LAMA3: variants seen among roughly 807,000 people sequenced by gnomAD.
LAMA3 encodes the protein laminin subunit alpha-3.
Under a neutral mutation model 402.0 loss-of-function variants are expected in LAMA3, and 281 were observed. That is an observed-to-expected ratio of 0.70 (90% CI 0.63 to 0.77). LAMA3 has a LOEUF of 0.77. Among genes scored for constraint, LAMA3 ranks in the 30% least tolerant of loss-of-function variants. The probability of loss-of-function intolerance (pLI) is 0.00; values close to 1 mark genes in which losing one functional copy is unlikely to be tolerated. For synonymous variants in LAMA3, 1,431 were observed against 1,558.4 expected (o/e 0.92, Z 1.93); for missense variants, 3,840 against 4,215.5 (o/e 0.91, Z 2.47).
At chr18:23,768,952 A>G (rs2062136949) in intron 8 of LAMA3, among the ~76,000 whole-genome samples, 1 of 152,208 alleles carries the variant, frequency 6.6e-6, no homozygotes, top group African/African-American at 2.4e-5. Flanking sequence ...ACTCATGGAC[A>G]TAAAGGTGGA....
At chr18:23,880,551 C>T (rs78591580) in intron 39 of LAMA3, among the ~76,000 whole-genome samples, 4,083 of 152,254 alleles carry the variant, frequency 0.027, 182 homozygotes, top group African/African-American at 0.093. Flanking sequence ...ACGTATATTG[C>T]TTTTCCCAAT....
In LAMA3 at chr18:23,758,443, G is replaced by A. The variant is rs771603867; in HGVS notation, c.995G>A (p.Arg332His). ...CACACCTGTGGGGAGACGTGTGATCGCTGCTGCACAGGGTACAATCAGAGG... is the reference window on the plus strand; with the variant it reads ...CACACCTGTGGGGAGACGTGTGATCACTGCTGCACAGGGTACAATCAGAGG... ...QHHTCGETCD[R>H]CCTGYNQRRW... Residue 332 changes from arginine to histidine, a missense_variant, in exon 7 of 75, where the codon CGC becomes CAC. Physicochemically the swap from Arg to His is conservative, Grantham distance 29. Transcript: ENST00000313654. The A allele has an allele frequency of 2.0e-5, 32 of 1,614,198 alleles. No homozygotes were observed. In the South Asian group the frequency reaches 3.0e-4, roughly 15 times the overall value.
intron 1 of LAMA3, among the ~76,000 whole-genome samples, chr18:23,707,074 G>A (rs779429875): frequency 8.5e-5 from 13 of 152,110 alleles, no homozygotes; most frequent in East Asian, 3.8e-4. Flanking sequence ...GTGAAACTCC[G>A]TCTCAAAAAA....
chr18:23,805,473 A>G (rs535659244), intron 12 of LAMA3, among the ~76,000 whole-genome samples: 24 of 152,272 alleles, frequency 1.6e-4, no homozygotes, highest in East Asian at 1.3e-3. Flanking sequence ...CTTTTCCATC[A>G]TAATAACTTC....
chr18:23,912,955 C>T (rs1205780983), intron 56 of LAMA3, 74 bp downstream of exon 56: 5 of 1,350,038 alleles, frequency 3.7e-6, no homozygotes, highest in African/African-American at 1.4e-5. Context: ...AGATGTGTGG[C>T]ACGGCTGCAT....
At chr18:23,815,749 A>G (rs1252326503) in intron 17 of LAMA3, among the ~76,000 whole-genome samples, 176 bp downstream of exon 17, 1 of 152,190 alleles carries the variant, frequency 6.6e-6, no homozygotes, top group Non-Finnish European at 1.5e-5. Context: ...GTAAATTGCA[A>G]GTGGGGCTGT....
Position 23,748,399 on chromosome 18 carries a change from C to G in LAMA3, c.565+339C>G, listed in dbSNP as rs190555737. On this transcript the variant is annotated intron_variant, in intron 3 of 74. Coordinates refer to ENST00000313654, the MANE Select transcript of LAMA3 (RefSeq NM_198129.4). Reference sequence around the variant, plus strand: ...TTGTACCACTGCACTCCAGCCTGGGCAACAGGATGAGACTCTGTCTCAAAA... The same window carrying G: ...TTGTACCACTGCACTCCAGCCTGGGGAACAGGATGAGACTCTGTCTCAAAA... 3.7e-3 allele frequency among the ~76,000 whole-genome samples: 500 copies of G among 133,838 alleles called. 3 individuals carry two copies. Among genetic ancestry groups the G allele is most frequent in the African/African-American group, 0.013 (472 of 35,472 alleles). The allele number at this position is 133,838 out of a possible 152,430, so 87.8% of individuals were successfully genotyped here. A position where few individuals can be genotyped will look rare whatever the true frequency, so the allele number is the denominator to read the frequency against.
intron 13 of LAMA3, among the ~76,000 whole-genome samples, chr18:23,811,224 C>G (rs182627713): frequency 2.0e-5 from 3 of 152,186 alleles, no homozygotes; most frequent in Non-Finnish European, 4.4e-5. Context: ...TTTCCCTGGG[C>G]TCCCTGGTGT....
intron 30 of LAMA3, among the ~76,000 whole-genome samples, chr18:23,845,920 G>A (rs534453343): frequency 1.3e-5 from 2 of 152,274 alleles, no homozygotes; most frequent in South Asian, 2.1e-4. Flanking sequence ...GAATGATAGC[G>A]ATTCTCCTCC....
intron 1 of LAMA3, among the ~76,000 whole-genome samples, chr18:23,699,309 T>C (rs1419580986): frequency 6.6e-6 from 1 of 152,202 alleles, no homozygotes; most frequent in Non-Finnish European, 1.5e-5. Flanking sequence ...TTCACTTTAT[T>C]TTTGTATGTA....
chr18:23,833,755 C>T, intron 23 of LAMA3, 73 bp from the exon 24 acceptor site: 1 of 1,544,966 alleles, frequency 6.5e-7, no homozygotes, highest in East Asian at 2.2e-5. Flanking sequence ...TCTATTTTCA[C>T]CATTGCTGAT....
intron 6 of LAMA3, among the ~76,000 whole-genome samples, chr18:23,754,443 T>A (rs1402034268): frequency 6.6e-6 from 1 of 152,226 alleles, no homozygotes; most frequent in African/African-American, 2.4e-5. Flanking sequence ...ATTAAATTTG[T>A]CATCACTTAT....
intron 35 of LAMA3, among the ~76,000 whole-genome samples, chr18:23,863,910 T>G (rs73967616): frequency 9.4e-4 from 143 of 152,350 alleles, no homozygotes; most frequent in African/African-American, 3.4e-3. Context: ...ACCATCATGC[T>G]GCTTGTGGGA....
At chr18:23,776,062 G>A (rs976950334) in intron 10 of LAMA3, 139 bp downstream of exon 10, 2 of 853,476 alleles carry the variant, frequency 2.3e-6, no homozygotes, top group Non-Finnish European at 3.9e-6. Context: ...ATGTAAAAGT[G>A]TTTCTGAAAG....
Position 23,915,360 on chromosome 18 carries a change from GA to G in LAMA3, c.7717del (p.Ser2573AlafsTer75). The G allele has an allele frequency of 6.2e-7, 1 of 1,613,580 alleles. No homozygotes were observed. Among genetic ancestry groups the G allele is most frequent in the Non-Finnish European group, 8.5e-7 (1 of 1,179,566 alleles). ...ELDDLNENVL[S>X]LYNFKKTFNL... ...TAGATGACCTCAATGAAAATGTTCT[GA>G]GCTTGTACAACTTCAAAAAAACATT... On this transcript the variant is annotated frameshift_variant, in exon 59 of 75. Coordinates refer to ENST00000313654, the MANE Select transcript of LAMA3 (RefSeq NM_198129.4). LOFTEE classifies it high-confidence loss of function.
At chr18:23,840,310 T>C (rs1251711847) in intron 27 of LAMA3, among the ~76,000 whole-genome samples, 1 of 152,170 alleles carries the variant, frequency 6.6e-6, no homozygotes, top group Admixed American at 6.5e-5. Context: ...AATATAGTTG[T>C]TTATTAGTTT....
chr18:23,721,202 A>G (rs1157471210), intron 2 of LAMA3, among the ~76,000 whole-genome samples: 2 of 152,066 alleles, frequency 1.3e-5, no homozygotes, highest in African/African-American at 4.8e-5. Flanking sequence ...ATATATGTAT[A>G]TATACACACA....
rs775332554 is a variant in LAMA3, at chr18:23,689,728, A to G, written c.45A>G (p.Val15=). The part of the protein sequence containing the change: ...ARPRGRALGP[V]LPPTPLLLLV... The stretch of plus-strand genomic sequence containing the variant: ...CTCGGGGTCGGGCACTGGGGCCAGT[A>G]CTGCCGCCGACGCCGCTGCTCCTGC... The change falls in exon 1 of 75, where the codon GTA becomes GTG. Residue 15 remains valine, a synonymous_variant. Coordinates refer to ENST00000313654, the MANE Select transcript of LAMA3 (RefSeq NM_198129.4). 18 of 1,484,840 alleles carry G rather than the reference A, an allele frequency of 1.2e-5. No homozygotes were observed. In the East Asian group the frequency reaches 2.0e-4, roughly 16 times the overall value. 92.0% of individuals were successfully genotyped at this position (1,484,840 alleles called of 1,614,324 possible). A position where few individuals can be genotyped will look rare whatever the true frequency, so the allele number is the denominator to read the frequency against.
At chr18:23,700,040 G>C (rs1007810081) in intron 1 of LAMA3, among the ~76,000 whole-genome samples, 6 of 152,050 alleles carry the variant, frequency 3.9e-5, no homozygotes, top group Admixed American at 3.3e-4. Context: ...TTGCAGCAGA[G>C]CACATCTCCC....
Sources: gnomAD v4.1 joint callset for allele counts (sites outside exome capture counted in the v4.1 genomes callset) on GRCh38, gnomAD v4.1.1 for gene constraint, MANE v1.5 for transcripts, NCBI Gene and HGNC (gene_info 2026-07-23, HGNC 2026-07-21) for gene names.